Variants in GSE1 observed in about 807,000 individuals in gnomAD.
GSE1 encodes Gse1 coiled-coil protein.
GSE1 carries 32 observed loss-of-function variants against 112.6 expected under a neutral mutation model. That is an observed-to-expected ratio of 0.28 (90% confidence interval 0.21 to 0.38). The LOEUF (loss-of-function observed/expected upper bound fraction) is 0.38, where lower values mean the gene tolerates loss of function less well. Ranked by LOEUF, GSE1 falls within the 10% of genes least tolerant of loss-of-function variation. The probability of loss-of-function intolerance (pLI) is 1.00; values close to 1 mark genes in which losing one functional copy is unlikely to be tolerated. For synonymous variants in GSE1, 1,115 were observed against 735.6 expected (o/e 1.52, Z -8.35); for missense variants, 2,348 against 1,699.2 (o/e 1.38, Z -6.71).
At chr16:85,495,951 G>A (rs190361466) in intron 2 of GSE1, among the ~76,000 whole-genome samples, 1 of 152,318 alleles carries the variant, frequency 6.6e-6, no homozygotes, top group East Asian at 1.9e-4. Context: ...GTGATTCATC[G>A]AGCATCCCTC....
chr16:85,215,643 C>G (rs1003319052), intron 1 of GSE1, among the ~76,000 whole-genome samples: 2 of 152,222 alleles, frequency 1.3e-5, no homozygotes, highest in African/African-American at 4.8e-5. Context: ...TGACACGCGG[C>G]TGTTGTTTGT....
At chr16:85,449,519 GC>G (rs2049612117) in intron 2 of GSE1, among the ~76,000 whole-genome samples, 1 of 152,258 alleles carries the variant, frequency 6.6e-6, no homozygotes, top group Admixed American at 6.5e-5. Context: ...ATTTCCATAG[GC>G]CCAGATGAAG....
intron 1 of GSE1, among the ~76,000 whole-genome samples, chr16:85,621,432 G>A (rs1325097175): frequency 1.3e-5 from 2 of 152,236 alleles, no homozygotes; most frequent in Non-Finnish European, 2.9e-5. Context: ...AAATCAAGCC[G>A]ATGTCCTGGC....
intron 1 of GSE1, among the ~76,000 whole-genome samples, chr16:85,352,261 G>T (rs1285615097): frequency 2.0e-5 from 3 of 152,184 alleles, no homozygotes; most frequent in African/African-American, 7.2e-5. Context: ...AGGCTATTCA[G>T]CGGTGGGCTG....
intron 1 of GSE1, among the ~76,000 whole-genome samples, chr16:85,556,602 G>C (rs949989029): frequency 6.6e-6 from 1 of 150,650 alleles, no homozygotes; most frequent in African/African-American, 2.4e-5. Flanking sequence ...CCGCCGCCGG[G>C]GGTTGCGCGT....
chr16:85,613,190 A>T (rs2151553653), upstream of GSE1: 1 of 1,413,356 alleles, frequency 7.1e-7, no homozygotes, highest in Admixed American at 3.1e-5. Flanking sequence ...GTGGCCCGGG[A>T]GTGGGCGGCG....
intron 2 of GSE1, among the ~76,000 whole-genome samples, chr16:85,456,269 G>C (rs1183024287): frequency 6.6e-6 from 1 of 152,210 alleles, no homozygotes; most frequent in Admixed American, 6.5e-5. Context: ...AAGCAGTGGA[G>C]CTGGGGCATC....
rs2075190010 is a variant in GSE1 at position 85,209,636 on chromosome 16, G to A, written c.2283+37829G>A. Among the ~76,000 whole-genome samples the A allele has an allele frequency of 2.0e-5, 3 of 152,244 alleles. No individual in the cohort carries two copies. The South Asian group carries it at 6.2e-4, about 32-fold the overall frequency. ...CAGCCCAAGGGTCACGCAAGGCCAG[G>A]AGGTGTTCCCCGGCTGCTCAGCCCA... On this transcript the variant is annotated intron_variant, in intron 1 of 2. Coordinates refer to the GSE1 transcript ENST00000637419.
At chr16:85,414,005 G>A (rs563370950) in intron 2 of GSE1, among the ~76,000 whole-genome samples, 1 of 152,314 alleles carries the variant, frequency 6.6e-6, no homozygotes, top group African/African-American at 2.4e-5. Flanking sequence ...ATGATTGTAA[G>A]TTCCTGAGGC....
chr16:85,237,318 G>GTC, intron 1 of GSE1, among the ~76,000 whole-genome samples: 1 of 152,200 alleles, frequency 6.6e-6, no homozygotes. Flanking sequence ...GCAAGAGACT[G>GTC]TCTCAGAATA....
chr16:85,642,830 G>A (rs985446986), intron 2 of GSE1, among the ~76,000 whole-genome samples: 11 of 152,138 alleles, frequency 7.2e-5, no homozygotes, highest in Admixed American at 2.0e-4. Context: ...TTACCTCTCC[G>A]GGTGCCCTGC....
intron 1 of GSE1, among the ~76,000 whole-genome samples, chr16:85,225,561 G>C (rs919529723): frequency 6.6e-6 from 1 of 152,190 alleles, no homozygotes; most frequent in Non-Finnish European, 1.5e-5. Context: ...CTGTCCCTCC[G>C]CTGCCGGGTA....
intron 2 of GSE1, among the ~76,000 whole-genome samples, chr16:85,547,610 G>A (rs780968653): frequency 1.4e-4 from 21 of 152,196 alleles, no homozygotes; most frequent in Non-Finnish European, 2.4e-4. Flanking sequence ...GCTAGGTGTG[G>A]TGGCTCATGC....
At position 85,675,584 on chromosome 16, in the gene GSE1, G is replaced by A. The variant is rs1274184893; in HGVS notation, c.*3045G>A. The A allele has an allele frequency of 6.6e-6, 1 of 152,198 alleles. No individual in the cohort carries two copies. The highest frequency in any genetic ancestry group is 2.4e-5 in the African/African-American group (1 of 41,448). 9.4% of individuals were successfully genotyped at this position (152,198 alleles called of 1,614,324 possible). On this transcript the variant is annotated 3_prime_UTR_variant, in exon 16 of 16. Transcript: ENST00000253458. ...GGAGCCCACACCTTCAGCAGTGAAG[G>A]ATTCTAACACAGGGAATCTGCAGTT...
At position 85,315,422 on chromosome 16, in the gene GSE1, C is replaced by T. The variant is rs1470763662; in HGVS notation, c.2284-42041C>T. ...ATGGTGGATGGTGATCCTGCAGAGC[C>T]CTGGGGGTCAGGACTGGGGATTGGC... On this transcript the variant is annotated intron_variant, in intron 1 of 2. Coordinates refer to the GSE1 transcript ENST00000637419. Among the ~76,000 whole-genome samples, 5 of 152,138 alleles carry T rather than the reference C, an allele frequency of 3.3e-5. 1 individual carries two copies. The highest frequency in any genetic ancestry group is 6.3e-3 in the Middle Eastern group (2 of 316).
At chr16:85,397,460 A>T (rs557641719) in intron 2 of GSE1, among the ~76,000 whole-genome samples, 7 of 152,204 alleles carry the variant, frequency 4.6e-5, no homozygotes, top group Non-Finnish European at 8.8e-5. Flanking sequence ...TGCCTGGAAC[A>T]TGTGGTCTCT....
intron 1 of GSE1, among the ~76,000 whole-genome samples, chr16:85,342,186 G>A (rs769371973): frequency 6.6e-6 from 1 of 151,758 alleles, no homozygotes; most frequent in African/African-American, 2.4e-5. Context: ...CCATGATCCC[G>A]TGACAGAAAC....
At chr16:85,667,320 C>T (rs1280202315) in intron 13 of GSE1, among the ~76,000 whole-genome samples, 1 of 152,238 alleles carries the variant, frequency 6.6e-6, no homozygotes, top group Admixed American at 6.5e-5. Flanking sequence ...CAAGTCACTC[C>T]ATTGACTGGG....
At chr16:85,614,579 A>G (rs1252632781) in intron 1 of GSE1, among the ~76,000 whole-genome samples, 2 of 152,106 alleles carry the variant, frequency 1.3e-5, no homozygotes, top group African/African-American at 4.8e-5. Context: ...CGCCCTTTCC[A>G]CGTGGTGGGC....
Sources: allele counts gnomAD v4.1 joint callset (sites outside exome capture counted in the v4.1 genomes callset), GRCh38; gene constraint gnomAD v4.1.1; transcripts MANE v1.5; gene names NCBI Gene and HGNC (gene_info 2026-07-23, HGNC 2026-07-21).